ROBO1: variants seen among roughly 807,000 people sequenced by gnomAD.
ROBO1 encodes the protein roundabout homolog 1.
Under a neutral mutation model 195.9 loss-of-function variants are expected in ROBO1, and 149 were observed. That is an observed-to-expected ratio of 0.76 (90% CI 0.67 to 0.87). ROBO1 has a LOEUF of 0.87. ROBO1 is among the 40% of genes least tolerant of loss of function. The probability of loss-of-function intolerance (pLI) is 0.00; values close to 1 mark genes in which losing one functional copy is unlikely to be tolerated. For synonymous variants in ROBO1, 816 were observed against 733.2 expected (o/e 1.11, Z -1.82); for missense variants, 1,933 against 2,068.3 (o/e 0.93, Z 1.27).
At chr3:79,063,666 C>G (rs1161650993) in intron 3 of ROBO1, among the ~76,000 whole-genome samples, 1 of 151,822 alleles carries the variant, frequency 6.6e-6, no homozygotes, top group Non-Finnish European at 1.5e-5. Flanking sequence ...TTCCAAGACA[C>G]CCAATGGTGT....
chr3:79,669,744 G>A (rs1362423899), intron 1 of ROBO1, among the ~76,000 whole-genome samples: 1 of 151,650 alleles, frequency 6.6e-6, no homozygotes, highest in Non-Finnish European at 1.5e-5. Flanking sequence ...GGAGAAAAAA[G>A]GATAAAAGGG....
chr3:79,662,351 A>G (rs748273675), intron 1 of ROBO1, among the ~76,000 whole-genome samples: 2 of 152,082 alleles, frequency 1.3e-5, no homozygotes, highest in Non-Finnish European at 2.9e-5. Flanking sequence ...AGATATTTTG[A>G]CTATCTTTAT....
intron 4 of ROBO1, among the ~76,000 whole-genome samples, chr3:78,852,180 G>C (rs1390253248): frequency 6.6e-6 from 1 of 151,878 alleles, no homozygotes; most frequent in Non-Finnish European, 1.5e-5. Flanking sequence ...AGCCATTTAG[G>C]GATCTCATTT....
chr3:78,820,143 G>A (rs1436335126), intron 4 of ROBO1, among the ~76,000 whole-genome samples: 5 of 152,118 alleles, frequency 3.3e-5, no homozygotes, highest in Non-Finnish European at 7.4e-5. Flanking sequence ...GTCTATAAAC[G>A]TGTTATCTGT....
chr3:79,063,547 C>T (rs919600971), intron 3 of ROBO1, among the ~76,000 whole-genome samples: 2 of 150,732 alleles, frequency 1.3e-5, no homozygotes, highest in Non-Finnish European at 3.0e-5. Flanking sequence ...TTCAGTTTAC[C>T]AGTGACCTTC....
At chr3:79,436,756 A>G (rs2038903261) in intron 2 of ROBO1, among the ~76,000 whole-genome samples, 1 of 152,074 alleles carries the variant, frequency 6.6e-6, no homozygotes, top group African/African-American at 2.4e-5. Context: ...AATTTTGATC[A>G]TTCCAAAAAC....
intron 3 of ROBO1, among the ~76,000 whole-genome samples, chr3:79,041,800 C>A (rs2078492300): frequency 1.3e-5 from 2 of 152,180 alleles, no homozygotes; most frequent in South Asian, 2.1e-4. Flanking sequence ...TACATGCCAC[C>A]AGCCTCTGGA....
At chr3:79,083,337 T>C (rs943622725) in intron 3 of ROBO1, among the ~76,000 whole-genome samples, 4 of 152,226 alleles carry the variant, frequency 2.6e-5, no homozygotes, top group African/African-American at 9.6e-5. Flanking sequence ...TTAAATATTT[T>C]GATATTATTT....
At chr3:78,738,116 C>A (rs572096399) in intron 5 of ROBO1, among the ~76,000 whole-genome samples, 19 of 152,002 alleles carry the variant, frequency 1.2e-4, no homozygotes, top group Admixed American at 1.1e-3. Context: ...AAGCAGATGG[C>A]GTAGGAAGGA....
In ROBO1 at chr3:79,303,159, G is replaced by GTTTT. The variant is rs368110549; in HGVS notation, c.89-177621_89-177620insAAAA. Among the ~76,000 whole-genome samples, 106 of 72,044 alleles carry GTTTT rather than the reference G, an allele frequency of 1.5e-3. 16 individuals are homozygous for GTTTT. The highest frequency in any genetic ancestry group is 2.0e-3 in the East Asian group (5 of 2,488). The allele number at this position is 72,044 out of a possible 152,430, so 47.3% of individuals were successfully genotyped here. Reference sequence around the variant, plus strand: ...ATTAATATATGAATTATCTCACATAGGTTTTTTTTTTTTTTTTTTTTTTTG... The same window carrying GTTTT: ...ATTAATATATGAATTATCTCACATAGTTTTGTTTTTTTTTTTTTTTTTTTTTTTG... On this transcript the variant is annotated intron_variant, in intron 2 of 30. Coordinates refer to ENST00000464233, the MANE Select transcript of ROBO1 (RefSeq NM_002941.4).
chr3:79,403,486 A>C (rs13076006), intron 2 of ROBO1, among the ~76,000 whole-genome samples: 55,629 of 151,742 alleles, frequency 0.37, 10,835 homozygotes, highest in Admixed American at 0.49. Context: ...ATAAATTTTT[A>C]ACAGTTCTGT....
chr3:79,716,104 G>C (rs554131749), intron 1 of ROBO1, among the ~76,000 whole-genome samples: 2 of 152,064 alleles, frequency 1.3e-5, no homozygotes, highest in South Asian at 2.1e-4. Flanking sequence ...TAGAAAAGCT[G>C]TAATAAAACC....
intron 1 of ROBO1, among the ~76,000 whole-genome samples, chr3:79,656,773 T>C (rs1946177250): frequency 6.6e-6 from 1 of 152,012 alleles, no homozygotes; most frequent in Non-Finnish European, 1.5e-5. Flanking sequence ...GGCACATGCC[T>C]GTAGTCCCAG....
At chr3:79,461,487 G>A (rs1244450844) in intron 2 of ROBO1, among the ~76,000 whole-genome samples, 1 of 152,116 alleles carries the variant, frequency 6.6e-6, no homozygotes, top group African/African-American at 2.4e-5. Context: ...TCTCCCCTAA[G>A]GCATCAAGCA....
intron 2 of ROBO1, among the ~76,000 whole-genome samples, chr3:79,467,388 C>T (rs1358818616): frequency 6.6e-6 from 1 of 151,560 alleles, no homozygotes; most frequent in African/African-American, 2.4e-5. Context: ...TGTTTTTGTG[C>T]CCAAATATTG....
intron 2 of ROBO1, among the ~76,000 whole-genome samples, chr3:79,550,472 C>A (rs570562039): frequency 6.6e-6 from 1 of 152,254 alleles, no homozygotes; most frequent in African/African-American, 2.4e-5. Context: ...TAGCTCTATG[C>A]AAGTTATATG....
chr3:78,757,706 A>G (rs2082974510), intron 4 of ROBO1, among the ~76,000 whole-genome samples: 2 of 152,206 alleles, frequency 1.3e-5, no homozygotes, highest in South Asian at 4.1e-4. Context: ...TTTGTGAAGC[A>G]TAATTAAGGT....
intron 2 of ROBO1, among the ~76,000 whole-genome samples, chr3:79,189,530 G>A (rs959910802): frequency 6.6e-6 from 1 of 151,606 alleles, no homozygotes. Context: ...GCTATAAAAT[G>A]CTAGCATTAA....
At chr3:79,107,014 A>G (rs565037848) in intron 3 of ROBO1, among the ~76,000 whole-genome samples, 2 of 151,698 alleles carry the variant, frequency 1.3e-5, no homozygotes, top group African/African-American at 4.8e-5. Flanking sequence ...TTTATAAGGT[A>G]AAATTGCAAA....
Sources: allele counts gnomAD v4.1 joint callset (sites outside exome capture counted in the v4.1 genomes callset), GRCh38; gene constraint gnomAD v4.1.1; transcripts MANE v1.5; gene names NCBI Gene and HGNC (gene_info 2026-07-23, HGNC 2026-07-21).